Variants in DUOX1 observed in about 807,000 individuals in gnomAD.
DUOX1 encodes dual oxidase 1, also known as NADPH thyroid oxidase 1.
A neutral mutation model predicts 181.8 loss-of-function variants in DUOX1; 134 were observed. The ratio of observed to expected loss-of-function variants is 0.74; its 90% CI spans 0.64 to 0.85. DUOX1 has a LOEUF of 0.85. Ranked by LOEUF, DUOX1 falls within the 40% of genes least tolerant of loss-of-function variation. The pLI, the probability that DUOX1 is intolerant of heterozygous loss-of-function variation, is 0.00. For missense variants in DUOX1, 1,814 were observed against 2,064.4 expected, an observed-to-expected ratio of 0.88 and a Z score of 2.35; for synonymous variants, 798 against 832.5, an observed-to-expected ratio of 0.96 and a Z score of 0.71.
intron 33 of DUOX1, 38 bp downstream of exon 33, chr15:45,163,956 T>C: frequency 1.9e-6 from 3 of 1,604,454 alleles, no homozygotes; most frequent in Non-Finnish European, 2.6e-6. Flanking sequence ...TTCCTCTTTA[T>C]CATTTGGGGT....
Position 45,165,321 on chromosome 15 carries a change from T to G in DUOX1, c.*420T>G, listed in dbSNP as rs1648311. 0.6 allele frequency: 99,299 copies of G among 164,210 alleles called. 30,841 individuals carry two copies. Among genetic ancestry groups the G allele is most frequent in the South Asian group, 0.72 (3,777 of 5,260 alleles). 10.2% of individuals were successfully genotyped at this position (164,210 alleles called of 1,614,324 possible). A position where few individuals can be genotyped will look rare whatever the true frequency, so the allele number is the denominator to read the frequency against. On this transcript the variant is annotated 3_prime_UTR_variant, in exon 34 of 34. Coordinates refer to ENST00000389037, the MANE Select transcript of DUOX1 (RefSeq NM_175940.3). ...CATCTTAGAACCCTCCCTACTCCCA[T>G]ACCTCCTCCTCTTCTGGGCTCCCCA... is the stretch of plus-strand genomic sequence containing the variant.
intron 30 of DUOX1, 58 bp downstream of exon 30, chr15:45,162,028 C>A: frequency 6.6e-7 from 1 of 1,524,496 alleles, no homozygotes; most frequent in South Asian, 1.2e-5. Flanking sequence ...AAGGCTTTGG[C>A]CCGGCAGCAC....
At position 45,164,843 on chromosome 15, in the gene DUOX1, G is replaced by C. The variant is rs754296287; in HGVS notation, c.4598G>C (p.Cys1533Ser). ...ATGACCAAGAATGTGGAAAAGGCCT[G>C]TCAGCTCATCAACAGGCAGGACCGG... ...PGMTKNVEKACQLINRQDRTH... is the reference protein window; with the variant it reads ...PGMTKNVEKASQLINRQDRTH... Residue 1533 changes from cysteine to serine, a missense_variant, in exon 34 of 34, where the codon TGT becomes TCT. Around this residue, in one of 5 missense-constraint regions of DUOX1, gnomAD observed 124 missense variants for 125.7 expected, o/e 0.99. Transcript: ENST00000389037. The C allele has an allele frequency of 2.0e-5, 32 of 1,614,036 alleles. No individual in the cohort carries two copies. In the Admixed American group the frequency reaches 2.2e-4, roughly 11 times the overall value.
chr15:45,145,643 C>T (rs1044534666), intron 18 of DUOX1, among the ~76,000 whole-genome samples: 3 of 152,076 alleles, frequency 2.0e-5, no homozygotes, highest in South Asian at 2.1e-4. Flanking sequence ...TGGTCAGGTG[C>T]GGTGGCTCAC....
At position 45,139,471 on chromosome 15, in the gene DUOX1, G is replaced by T; in HGVS notation, c.1261G>T (p.Ala421Ser). The change falls in exon 12 of 34, where the codon GCC (alanine) becomes TCC (serine). Residue 421 changes from alanine to serine, a missense_variant. Around this residue, in one of 5 missense-constraint regions of DUOX1, gnomAD observed 1,064 missense variants for 1,152.9 expected, o/e 0.92. Coordinates refer to ENST00000389037, the MANE Select transcript of DUOX1 (RefSeq NM_175940.3). ...PLKFSRTDHL[A>S]SCLQRGRDLG... is the part of the protein sequence containing the mutation. ...GAAGTTTTCCCGCACAGACCACCTG[G>T]CCAGCTGCCTGCAGCGGGGCCGGGA... is the stretch of plus-strand genomic sequence containing the variant. 6.2e-7 allele frequency: 1 copy of T among 1,613,248 alleles called. No individual in the cohort carries two copies. Among genetic ancestry groups the T allele is most frequent in the South Asian group, 1.1e-5 (1 of 90,928 alleles).
chr15:45,156,905 G>T (rs937928465), intron 28 of DUOX1, among the ~76,000 whole-genome samples: 5 of 152,102 alleles, frequency 3.3e-5, no homozygotes, highest in Non-Finnish European at 7.4e-5. Context: ...CTGTGTTGTG[G>T]CTCTGCTTGT....
At chr15:45,137,900 A>G (rs567064839) in intron 9 of DUOX1, 24 bp from the exon 10 acceptor site, 134 of 1,568,892 alleles carry the variant, frequency 8.5e-5, no homozygotes, top group Non-Finnish European at 1.1e-4. Flanking sequence ...CTCAATCACC[A>G]TCTCCCTGCT....
intron 12 of DUOX1, 41 bp downstream of exon 12, chr15:45,139,640 C>G: frequency 6.6e-7 from 1 of 1,511,574 alleles, no homozygotes; most frequent in Non-Finnish European, 8.8e-7. Context: ...GCGGGAGGGA[C>G]AAGGCACGTG....
intron 4 of DUOX1, 100 bp from the exon 5 acceptor site, chr15:45,135,004 T>A: frequency 2.1e-6 from 3 of 1,420,998 alleles, no homozygotes; most frequent in Non-Finnish European, 2.9e-6. Flanking sequence ...GGCTGCTGAG[T>A]CTTTTGAAGC....
intron 18 of DUOX1, 124 bp from the exon 19 acceptor site, chr15:45,147,309 A>G (rs1341906646): frequency 7.9e-7 from 1 of 1,269,690 alleles, no homozygotes; most frequent in East Asian, 2.5e-5. Context: ...CACCACCATA[A>G]GGCCTCCTAG....
chr15:45,138,041 T>A, intron 10 of DUOX1, 27 bp downstream of exon 10: 1 of 1,551,326 alleles, frequency 6.4e-7, no homozygotes, highest in Non-Finnish European at 8.8e-7. Flanking sequence ...ACATATGTGG[T>A]GGATGTGTGT....
At position 45,135,187 on chromosome 15, in the gene DUOX1, G is replaced by A. The variant is rs748412062; in HGVS notation, c.391G>A (p.Asp131Asn). Residue 131 changes from aspartate to asparagine, a missense_variant, in exon 5 of 34, where the codon GAC (aspartate) becomes AAC (asparagine). By Grantham distance (23) the Asp-to-Asn change is conservative. Transcript: ENST00000389037. Reference sequence around the variant, plus strand: ...CCTCAACATTCGCATCCCGCCCGGAGACCCCATGTTCGACCCCGACCAGCG... The same window carrying A: ...CCTCAACATTCGCATCCCGCCCGGAAACCCCATGTTCGACCCCGACCAGCG... ...EFLNIRIPPG[D>N]PMFDPDQRGD... 6.2e-7 allele frequency: 1 copy of A among 1,613,838 alleles called. No homozygotes were observed. The highest frequency in any genetic ancestry group is 8.5e-7 in the Non-Finnish European group (1 of 1,179,976).
intron 21 of DUOX1, among the ~76,000 whole-genome samples, chr15:45,149,949 T>G (rs1896760526): frequency 6.6e-6 from 1 of 152,268 alleles, no homozygotes; most frequent in South Asian, 2.1e-4. Context: ...GCATTAATAC[T>G]TTGTTTTAAA....
intron 1 of DUOX1, among the ~76,000 whole-genome samples, chr15:45,130,814 G>A (rs1896104097): frequency 6.6e-6 from 1 of 152,190 alleles, no homozygotes; most frequent in Non-Finnish European, 1.5e-5. Context: ...CTGAAGACAT[G>A]GTGGTGGCGG....
chr15:45,151,117 T>G lies in DUOX1; in HGVS notation c.2889-6T>G. On this transcript the variant is annotated splice_polypyrimidine_tract_variant and splice_region_variant and intron_variant, in intron 22 of 33. Transcript: ENST00000389037. ...AGCATCCTATCTCTTACCATTCTTGTCTTAGTCCCTCTCCCAGAGTGAGTG... is the reference window on the plus strand; with the variant it reads ...AGCATCCTATCTCTTACCATTCTTGGCTTAGTCCCTCTCCCAGAGTGAGTG... The G allele has an allele frequency of 6.2e-7, 1 of 1,614,034 alleles. No individual in the cohort carries two copies. The highest frequency in any genetic ancestry group is 8.5e-7 in the Non-Finnish European group (1 of 1,179,974).
chr15:45,162,415 C>A, intron 31 of DUOX1, 38 bp downstream of exon 31: 1 of 1,597,968 alleles, frequency 6.3e-7, no homozygotes, highest in Non-Finnish European at 8.5e-7. Context: ...CCCATGGCCC[C>A]TTCTTCCTTG....
At chr15:45,131,749 A>G in intron 1 of DUOX1, 169 bp from the exon 2 acceptor site, 1 of 592,272 alleles carries the variant, frequency 1.7e-6, no homozygotes, top group Non-Finnish European at 3.0e-6. Flanking sequence ...GTGCTCATGA[A>G]GTATTTGCCG....
At position 45,151,942 on chromosome 15, in the gene DUOX1, A is replaced by G; in HGVS notation, c.3083A>G (p.His1028Arg). The change falls in exon 24 of 34, where the codon CAC (histidine) becomes CGC (arginine). Residue 1028 changes from histidine (H) to arginine (R), a missense_variant. By Grantham distance (29) the His-to-Arg change is conservative (BLOSUM62 0). Transcript: ENST00000389037. ...GAGAAGTTCCAACGCAGCTGTCTCC[A>G]CCAGACGGTGCAACAGTTCAAGCGC... ...HREKFQRSCLHQTVQQFKRFI... is the reference protein window; with the variant it reads ...HREKFQRSCLRQTVQQFKRFI... 6.2e-7 allele frequency: 1 copy of G among 1,613,494 alleles called. No individual in the cohort carries two copies. Among genetic ancestry groups the G allele is most frequent in the Non-Finnish European group, 8.5e-7 (1 of 1,179,942 alleles).
intron 18 of DUOX1, 119 bp from the exon 19 acceptor site, chr15:45,147,314 T>A (rs1368727325): frequency 7.4e-7 from 1 of 1,352,616 alleles, no homozygotes. Context: ...CCATAAGGCC[T>A]CCTAGCAGAG....
Sources: allele counts gnomAD v4.1 joint callset (sites outside exome capture counted in the v4.1 genomes callset), GRCh38; gene constraint gnomAD v4.1.1; regional missense constraint gnomAD v4.1.1; transcripts MANE v1.5; gene names NCBI Gene and HGNC (gene_info 2026-07-23, HGNC 2026-07-21).